The following RTF1 variants were observed in gnomAD, a reference collection of about 807,000 sequenced individuals.
RTF1 encodes RNA polymerase-associated protein RTF1 homolog.
A neutral mutation model predicts 95.7 loss-of-function variants in RTF1; 10 were observed. The observed-to-expected ratio is 0.10, with a 90% CI of 0.06 to 0.18. The LOEUF (loss-of-function observed/expected upper bound fraction) is 0.18, where lower values mean the gene tolerates loss of function less well. Among genes scored for constraint, RTF1 ranks in the 10% least tolerant of loss-of-function variants. RTF1 has a pLI of 1.00. For synonymous variants in RTF1, 305 were observed against 311.8 expected (o/e 0.98, Z 0.23); for missense variants, 458 against 875.6 (o/e 0.52, Z 6.02).
At chr15:41,419,922 C>T (rs980376571) in intron 1 of RTF1, among the ~76,000 whole-genome samples, 2 of 152,066 alleles carry the variant, frequency 1.3e-5, no homozygotes, top group South Asian at 2.1e-4. Flanking sequence ...TGGGTTCAAG[C>T]GATTCTCCTG....
At position 41,474,760 on chromosome 15, in the gene RTF1, G is replaced by C; in HGVS notation, c.1286+58G>C. ...CACTTCAAACAGGCACTGGCTTTGG[G>C]GGCTGCTGTTCTCTCTGTGTGATGT... is the stretch of plus-strand genomic sequence containing the variant. On this transcript the variant is annotated intron_variant, in intron 9 of 17. Transcript: ENST00000389629. 3.2e-6 allele frequency: 4 copies of C among 1,243,368 alleles called. No homozygotes were observed. In the South Asian group the frequency reaches 4.8e-5, roughly 15 times the overall value. The allele number at this position is 1,243,368 out of a possible 1,614,324, so 77.0% of individuals were successfully genotyped here.
intron 3 of RTF1, among the ~76,000 whole-genome samples, 164 bp downstream of exon 3, chr15:41,453,212 T>G (rs1238164421): frequency 6.6e-6 from 1 of 152,196 alleles, no homozygotes; most frequent in Non-Finnish European, 1.5e-5. Context: ...TTTGAGAATC[T>G]GAATGAAGCA....
chr15:41,429,635 C>T (rs2050658588), intron 1 of RTF1, among the ~76,000 whole-genome samples: 1 of 152,116 alleles, frequency 6.6e-6, no homozygotes, highest in Non-Finnish European at 1.5e-5. Flanking sequence ...TCCTGCTTGC[C>T]TGCTAAACTT....
chr15:41,470,459 G>A (rs892185931), intron 7 of RTF1, 67 bp downstream of exon 7: 23 of 1,551,006 alleles, frequency 1.5e-5, no homozygotes, highest in South Asian at 2.3e-5. Flanking sequence ...GCTTGGTATC[G>A]TTTCCAAAAT....
chr15:41,438,721 C>T (rs1307107095), intron 2 of RTF1, among the ~76,000 whole-genome samples: 3 of 151,726 alleles, frequency 2.0e-5, no homozygotes, highest in South Asian at 2.1e-4. Context: ...ATTAGCCAGG[C>T]GTGGTGGTGC....
intron 1 of RTF1, among the ~76,000 whole-genome samples, chr15:41,426,643 G>T (rs2050631223): frequency 1.1e-5 from 1 of 94,062 alleles, no homozygotes; most frequent in South Asian, 3.9e-4. Flanking sequence ...GTTTTTCCAT[G>T]TTGGCCAGGC....
intron 1 of RTF1, among the ~76,000 whole-genome samples, chr15:41,422,541 A>G (rs2050607596): frequency 6.6e-6 from 1 of 152,208 alleles, no homozygotes; most frequent in African/African-American, 2.4e-5. Context: ...CATTCAAGAT[A>G]ATAAAGGAAC....
intron 2 of RTF1, among the ~76,000 whole-genome samples, chr15:41,445,638 A>T (rs956980868): frequency 6.6e-6 from 1 of 152,004 alleles, no homozygotes; most frequent in African/African-American, 2.4e-5. Flanking sequence ...AAGCTAAGCT[A>T]TTCTTCATGT....
At chr15:41,444,493 C>G (rs1386521859) in intron 2 of RTF1, among the ~76,000 whole-genome samples, 1 of 151,980 alleles carries the variant, frequency 6.6e-6, no homozygotes, top group Non-Finnish European at 1.5e-5. Flanking sequence ...TGGGGTTTCA[C>G]CGTGTTACCC....
At chr15:41,442,715 G>T (rs540162582) in intron 2 of RTF1, among the ~76,000 whole-genome samples, 51 of 152,072 alleles carry the variant, frequency 3.4e-4, no homozygotes, top group African/African-American at 1.2e-3. Flanking sequence ...GCGAAACCCT[G>T]TCTCTACTAA....
At chr15:41,480,544 G>A (rs2050966912) in intron 17 of RTF1, 37 bp from the exon 18 acceptor site, 1 of 1,481,554 alleles carries the variant, frequency 6.7e-7, no homozygotes, top group Non-Finnish European at 9.4e-7. Context: ...AGGACTTTGT[G>A]GGACCTCAGC....
At chr15:41,473,931 G>A (rs1192956339) in intron 8 of RTF1, among the ~76,000 whole-genome samples, 1 of 152,074 alleles carries the variant, frequency 6.6e-6, no homozygotes, top group Non-Finnish European at 1.5e-5. Context: ...CGGCTACTTG[G>A]GCGGCTGAGG....
chr15:41,441,130 C>A (rs538377768), intron 2 of RTF1, among the ~76,000 whole-genome samples: 3 of 152,030 alleles, frequency 2.0e-5, no homozygotes, highest in African/African-American at 7.2e-5. Flanking sequence ...TGCCACCACT[C>A]CTGGCTAATT....
chr15:41,417,809 C>T (rs904328828), intron 1 of RTF1, among the ~76,000 whole-genome samples: 1 of 152,114 alleles, frequency 6.6e-6, no homozygotes, highest in Non-Finnish European at 1.5e-5. Context: ...GAAGGACACT[C>T]GTAAATGTTC....
chr15:41,462,370 G>T (rs554571689), intron 4 of RTF1, among the ~76,000 whole-genome samples: 12 of 152,202 alleles, frequency 7.9e-5, no homozygotes, highest in African/African-American at 2.6e-4. Context: ...AGGTAGCCTG[G>T]TTGTAGAAAG....
chr15:41,459,291 A>C (rs1430823607), intron 4 of RTF1, among the ~76,000 whole-genome samples: 1 of 151,168 alleles, frequency 6.6e-6, no homozygotes, highest in Non-Finnish European at 1.5e-5. Context: ...CAGGAGTATC[A>C]TTTGAGCCCG....
chr15:41,438,269 G>T (rs1595428583), intron 1 of RTF1, 52 bp from the exon 2 acceptor site: 2 of 1,236,298 alleles, frequency 1.6e-6, no homozygotes, highest in Non-Finnish European at 2.3e-6. Context: ...ATTATTCTTG[G>T]ATATTCTTTC....
intron 1 of RTF1, among the ~76,000 whole-genome samples, chr15:41,429,859 A>T (rs376119205): frequency 4.6e-5 from 7 of 151,294 alleles, no homozygotes; most frequent in African/African-American, 1.5e-4. Flanking sequence ...CCTTCTTAAC[A>T]CTTACCATTA....
chr15:41,474,604 C>T lies in RTF1; in HGVS notation c.1204-16C>T, dbSNP rs371374380. On this transcript the variant is annotated splice_polypyrimidine_tract_variant and intron_variant, in intron 8 of 17. Coordinates refer to ENST00000389629, the MANE Select transcript of RTF1 (RefSeq NM_015138.5). ...AAGAGTCTGGTTTTGACTGGCGTCT[C>T]TGTCCTCTCACTTAGGTCGCTGAGA... 6.0e-5 allele frequency: 96 copies of T among 1,599,982 alleles called. No individual in the cohort carries two copies. In the African/African-American group the frequency reaches 1.0e-3, roughly 17 times the overall value.
Sources: gnomAD v4.1 joint callset for allele counts (sites outside exome capture counted in the v4.1 genomes callset) on GRCh38, gnomAD v4.1.1 for gene constraint, MANE v1.5 for transcripts, NCBI Gene and HGNC (gene_info 2026-07-23, HGNC 2026-07-21) for gene names.